CACNA1A: variants seen among roughly 807,000 people sequenced by gnomAD.
CACNA1A encodes the protein voltage-dependent P/Q-type calcium channel subunit alpha-1A.
A neutral mutation model predicts 262.4 loss-of-function variants in CACNA1A; 57 were observed. The ratio of observed to expected loss-of-function variants is 0.22; its 90% CI spans 0.18 to 0.27. The LOEUF (loss-of-function observed/expected upper bound fraction) is 0.27. Ranked by LOEUF, CACNA1A falls within the 10% of genes least tolerant of loss-of-function variation. The pLI, the probability that CACNA1A is intolerant of heterozygous loss-of-function variation, is 1.00. For missense variants in CACNA1A, 2,526 were observed against 3,562.8 expected, an observed-to-expected ratio of 0.71 and a Z score of 7.41; for synonymous variants, 1,431 against 1,419.3, an observed-to-expected ratio of 1.01 and a Z score of -0.18.
At chr19:13,315,470 C>T (rs2058109052) in intron 11 of CACNA1A, 1 of 152,156 alleles carries the variant, frequency 6.6e-6, no homozygotes, top group African/African-American at 2.4e-5. Context: ...AGGACCCAGG[C>T]AGGAAGTCTC....
At chr19:13,403,393 G>T (rs77364166) in intron 3 of CACNA1A, among the ~76,000 whole-genome samples, 1,924 of 152,222 alleles carry the variant, frequency 0.013, 50 homozygotes, top group African/African-American at 0.044. Flanking sequence ...AAGAAAGACA[G>T]GTTCAGAGAG....
chr19:13,267,737 G>A (rs1600209605), intron 24 of CACNA1A, among the ~76,000 whole-genome samples: 1 of 152,062 alleles, frequency 6.6e-6, no homozygotes, highest in East Asian at 2.0e-4. Flanking sequence ...GAGGCCAGAA[G>A]TTCGAGACCA....
intron 10 of CACNA1A, among the ~76,000 whole-genome samples, chr19:13,318,469 G>A (rs1016510657): frequency 1.2e-4 from 19 of 152,246 alleles, no homozygotes; most frequent in African/African-American, 3.9e-4. Context: ...GGGGGGAGCC[G>A]TGGAGGGTTC....
At chr19:13,369,451 G>A (rs1420282162) in intron 4 of CACNA1A, among the ~76,000 whole-genome samples, 1 of 152,164 alleles carries the variant, frequency 6.6e-6, no homozygotes, top group East Asian at 1.9e-4. Flanking sequence ...CCCCAATAAA[G>A]CAGGTGCATC....
rs2058150891 is a variant in CACNA1A, at chr19:13,317,466, A to C, written c.1346-145T>G. On this transcript the variant is annotated intron_variant, in intron 10 of 46. Transcript: ENST00000360228. The stretch of plus-strand genomic sequence containing the variant: ...TGGCCTGAGGGAACCATCATGACCC[A>C]TGGGCTTAGTTTTGCATAGATGGAG... 3 of 634,576 alleles carry C rather than the reference A, an allele frequency of 4.7e-6. No individual in the cohort carries two copies. In the South Asian group the frequency reaches 6.3e-5, roughly 13 times the overall value. The allele number at this position is 634,576 out of a possible 1,614,324, so 39.3% of individuals were successfully genotyped here.
chr19:13,365,459 G>A lies in CACNA1A; in HGVS notation c.642C>T (p.Val214=), dbSNP rs1336839525. 6.8e-6 allele frequency: 11 copies of A among 1,613,254 alleles called. No homozygotes were observed. Among genetic ancestry groups the A allele is most frequent in the African/African-American group, 1.3e-5 (1 of 74,852 alleles). The change falls in exon 5 of 47, where the codon GTC becomes GTT. Residue 214 remains valine, a synonymous_variant. Coordinates refer to ENST00000360228, the MANE Select transcript of CACNA1A (RefSeq NM_001127222.2). ...KLVSGIPSLQ[V]VLKSIMKAMI... ...TCGCCTTCATGATCGACTTCAGGAC[G>A]ACTTGTAAACCTGGGGGGACACAGA...
intron 10 of CACNA1A, among the ~76,000 whole-genome samples, chr19:13,324,189 T>C (rs924723382): frequency 2.3e-4 from 35 of 152,076 alleles, no homozygotes; most frequent in African/African-American, 8.0e-4. Context: ...CTAAAAAAAA[T>C]TGATCTCATA....
At chr19:13,294,217 A>C (rs1444167733) in intron 19 of CACNA1A, among the ~76,000 whole-genome samples, 6 of 149,596 alleles carry the variant, frequency 4.0e-5, no homozygotes, top group Admixed American at 1.3e-4. Flanking sequence ...AAAAAAAAAA[A>C]AACAAACAAA....
chr19:13,279,027 A>C (rs142330326), intron 22 of CACNA1A, among the ~76,000 whole-genome samples: 4 of 152,244 alleles, frequency 2.6e-5, no homozygotes, highest in Admixed American at 6.5e-5. Flanking sequence ...CTGGGAGTGC[A>C]GGGACCATCT....
chr19:13,449,866 C>T (rs918437), intron 3 of CACNA1A, among the ~76,000 whole-genome samples: 98,331 of 152,062 alleles, frequency 0.65, 32,916 homozygotes, highest in African/African-American at 0.83. Context: ...TTTTGCTGGG[C>T]ACAGTGGCTT....
In CACNA1A at chr19:13,207,736, C is replaced by T. The variant is rs1364972011; in HGVS notation, c.7098G>A (p.Arg2366=). ...TGGHSSGRSP[R]MERRVPGPAR... is the part of the protein sequence containing the mutation. The stretch of plus-strand genomic sequence containing the variant: ...CCGGGCCTGGGACCCGCCTCTCCAT[C>T]CTGGGCGAGCGGCCGCTGCTGTGGC... The change falls in exon 47 of 47, where the codon AGG becomes AGA. Residue 2366 remains arginine, a synonymous_variant. Coordinates refer to ENST00000360228, the MANE Select transcript of CACNA1A (RefSeq NM_001127222.2). The surrounding 1 kb of genome is among the most constrained non-coding windows in gnomAD (Gnocchi z 5.7). 1 of 1,371,432 alleles carries T rather than the reference C, an allele frequency of 7.3e-7. No homozygotes were observed. The highest frequency in any genetic ancestry group is 1.7e-5 in the South Asian group (1 of 57,686). 85.0% of individuals were successfully genotyped at this position (1,371,432 alleles called of 1,614,324 possible).
intron 3 of CACNA1A, among the ~76,000 whole-genome samples, chr19:13,387,300 G>C (rs2059632101): frequency 6.6e-6 from 1 of 152,140 alleles, no homozygotes; most frequent in African/African-American, 2.4e-5. Flanking sequence ...ATCAGAACCT[G>C]CTGATTAAAG....
At chr19:13,297,711 T>C (rs575011695) in intron 19 of CACNA1A, among the ~76,000 whole-genome samples, 1 of 152,092 alleles carries the variant, frequency 6.6e-6, no homozygotes, top group Non-Finnish European at 1.5e-5. Flanking sequence ...CAGCTACTTG[T>C]GAGGCTGAGG....
At chr19:13,403,550 T>G (rs990704169) in intron 3 of CACNA1A, among the ~76,000 whole-genome samples, 1 of 151,804 alleles carries the variant, frequency 6.6e-6, no homozygotes, top group Non-Finnish European at 1.5e-5. Context: ...AAACCAGAGG[T>G]GTTCATTCAG....
chr19:13,378,403 A>C (rs2059453829), intron 3 of CACNA1A, among the ~76,000 whole-genome samples: 1 of 152,204 alleles, frequency 6.6e-6, no homozygotes, highest in Admixed American at 6.5e-5. Context: ...AAAAAGTTCT[A>C]CTGTGGGTAA....
chr19:13,475,285 C>A (rs1454672694), intron 1 of CACNA1A, among the ~76,000 whole-genome samples: 2 of 152,334 alleles, frequency 1.3e-5, no homozygotes, highest in East Asian at 3.9e-4. Context: ...GTTGAACACA[C>A]CCCAGGTCTA....
At chr19:13,381,055 C>T (rs1307644654) in intron 3 of CACNA1A, among the ~76,000 whole-genome samples, 1 of 152,100 alleles carries the variant, frequency 6.6e-6, no homozygotes, top group Non-Finnish European at 1.5e-5. Context: ...GTATTTGAGG[C>T]ATGAGCCACT....
chr19:13,247,456 G>A (rs1054569239), intron 30 of CACNA1A, among the ~76,000 whole-genome samples: 3 of 152,188 alleles, frequency 2.0e-5, no homozygotes, highest in African/African-American at 7.2e-5. Context: ...CACTTTGGGA[G>A]GCCGATGTGG....
chr19:13,494,687 C>T (rs778929019), intron 1 of CACNA1A, among the ~76,000 whole-genome samples: 25 of 152,054 alleles, frequency 1.6e-4, no homozygotes, highest in South Asian at 4.2e-4. Context: ...TGGCTGGGGA[C>T]GCCTCAGGAA....
Sources: gnomAD v4.1 joint callset for allele counts (sites outside exome capture counted in the v4.1 genomes callset) on GRCh38, gnomAD v4.1.1 for gene constraint, Gnocchi (gnomAD v3.1) non-coding constraint, MANE v1.5 for transcripts, NCBI Gene and HGNC (gene_info 2026-07-23, HGNC 2026-07-21) for gene names.